Variants in ADAMTS17 observed in about 807,000 individuals in gnomAD.
ADAMTS17 encodes A disintegrin and metalloproteinase with thrombospondin motifs 17.
In ADAMTS17, 113 loss-of-function variants were observed where a neutral mutation model predicts 141.5. The ratio of observed to expected loss-of-function variants is 0.80; its 90% CI spans 0.69 to 0.93. ADAMTS17 has a LOEUF of 0.93. Ranked by LOEUF, ADAMTS17 falls within the 40% of genes least tolerant of loss-of-function variation. ADAMTS17 has a pLI of 0.00. For synonymous variants in ADAMTS17, 768 were observed against 630.6 expected (o/e 1.22, Z -3.27); for missense variants, 1,659 against 1,517.9 (o/e 1.09, Z -1.54).
intron 8 of ADAMTS17, among the ~76,000 whole-genome samples, chr15:100,169,829 G>A (rs1278730198): frequency 1.3e-5 from 2 of 152,234 alleles, no homozygotes; most frequent in Non-Finnish European, 2.9e-5. Flanking sequence ...GCGTGGATGT[G>A]GCTTTGGGGA....
chr15:99,972,110 G>C lies in ADAMTS17; in HGVS notation c.*2292C>G, dbSNP rs371938855. On this transcript the variant is annotated 3_prime_UTR_variant, in exon 22 of 22. Transcript: ENST00000268070. ...AGTAAAAATACAAAAAAGTAGGTGG[G>C]CGTGGTGGTGGGCGCCTGTAGTCCC... 1 of 152,334 alleles carries C rather than the reference G, an allele frequency of 6.6e-6. No homozygotes were observed. The allele number at this position is 152,334 out of a possible 1,614,324, so 9.4% of individuals were successfully genotyped here.
In ADAMTS17 at chr15:99,993,827, T is replaced by C. The variant is rs2060740766; in HGVS notation, c.2797-627A>G. On this transcript the variant is annotated intron_variant, in intron 19 of 21. Coordinates refer to ENST00000268070, the MANE Select transcript of ADAMTS17 (RefSeq NM_139057.4). The surrounding 1 kb of genome is among the most constrained non-coding windows in gnomAD (Gnocchi z 4.3). Reference sequence around the variant, plus strand: ...AATGGTGACAGACGCATGGCCCCTGTGGTAGTTTACTTACTTGCAGGAGAC... The same window carrying C: ...AATGGTGACAGACGCATGGCCCCTGCGGTAGTTTACTTACTTGCAGGAGAC... Among the ~76,000 whole-genome samples, 1 of 151,832 alleles carries C rather than the reference T, an allele frequency of 6.6e-6. No individual in the cohort carries two copies. The highest frequency in any genetic ancestry group is 2.1e-4 in the South Asian group (1 of 4,772).
chr15:99,982,134 G>A (rs1051147939), intron 20 of ADAMTS17, among the ~76,000 whole-genome samples: 3 of 152,236 alleles, frequency 2.0e-5, no homozygotes, highest in Admixed American at 6.5e-5. Context: ...AGGCAGTGTG[G>A]AATAGGAGCC....
At chr15:100,039,362 T>G (rs765297366) in intron 18 of ADAMTS17, among the ~76,000 whole-genome samples, 1 of 152,212 alleles carries the variant, frequency 6.6e-6, no homozygotes, top group Non-Finnish European at 1.5e-5. Context: ...TTCTTCTTTT[T>G]CAGTATAAGT....
chr15:100,061,535 A>G (rs2033124742), intron 15 of ADAMTS17, among the ~76,000 whole-genome samples: 1 of 152,214 alleles, frequency 6.6e-6, no homozygotes, highest in Non-Finnish European at 1.5e-5. Flanking sequence ...TGTTGGCCTT[A>G]AAGTGAATGT....
At chr15:100,106,956 C>T (rs769807799) in intron 14 of ADAMTS17, among the ~76,000 whole-genome samples, 10 of 152,200 alleles carry the variant, frequency 6.6e-5, no homozygotes, top group South Asian at 2.1e-4. Flanking sequence ...CCTCCCTCCC[C>T]GTGAGGTTGC....
intron 7 of ADAMTS17, among the ~76,000 whole-genome samples, chr15:100,246,014 G>A (rs1179976758): frequency 6.6e-6 from 1 of 152,090 alleles, no homozygotes; most frequent in East Asian, 1.9e-4. Flanking sequence ...AGAGGTCAAG[G>A]CAGGAATGTT....
chr15:100,329,386 T>C (rs990744214), intron 3 of ADAMTS17, among the ~76,000 whole-genome samples: 16 of 151,842 alleles, frequency 1.1e-4, no homozygotes, highest in African/African-American at 3.6e-4. Context: ...AAAACAAAAA[T>C]TAGCCAGGTG....
At chr15:100,195,703 G>C (rs966901711) in intron 8 of ADAMTS17, among the ~76,000 whole-genome samples, 4 of 150,076 alleles carry the variant, frequency 2.7e-5, no homozygotes, top group African/African-American at 9.8e-5. Flanking sequence ...GAGTGTCCTA[G>C]GGAACCCCTC....
chr15:100,189,977 G>C (rs1261974097), intron 8 of ADAMTS17, among the ~76,000 whole-genome samples: 1 of 152,152 alleles, frequency 6.6e-6, no homozygotes, highest in Non-Finnish European at 1.5e-5. Flanking sequence ...CCCCAGCTCA[G>C]TTCAACGCTG....
chr15:100,266,622 C>A (rs1457045763), intron 4 of ADAMTS17, among the ~76,000 whole-genome samples: 2 of 152,196 alleles, frequency 1.3e-5, no homozygotes, highest in East Asian at 3.9e-4. Flanking sequence ...GCCCCCATCA[C>A]CCTCCCCATC....
chr15:100,105,782 G>A (rs529035314), intron 14 of ADAMTS17, among the ~76,000 whole-genome samples: 2 of 152,192 alleles, frequency 1.3e-5, no homozygotes, highest in South Asian at 2.1e-4. Flanking sequence ...CCACTTCCCA[G>A]GTTCAAGCGA....
chr15:100,271,081 T>C (rs1248356144), intron 4 of ADAMTS17, among the ~76,000 whole-genome samples: 1 of 152,124 alleles, frequency 6.6e-6, no homozygotes, highest in Non-Finnish European at 1.5e-5. Flanking sequence ...AGAATTGTTT[T>C]CCTTTTTAAG....
Position 100,281,240 on chromosome 15 carries a change from C to T in ADAMTS17, c.778G>A (p.Val260Ile), listed in dbSNP as rs547286210. ...AEAAQRFILT[V>I]MNMVYNMFQH... The stretch of plus-strand genomic sequence containing the variant: ...GGCTCCGGACTCACCATGTTCATGA[C>T]GGTCAGGATGAACCTCTGGGCGGCC... The change falls in exon 4 of 22, where the codon GTC (valine) becomes ATC (isoleucine). Residue 260 changes from valine (V) to isoleucine (I), a missense_variant. Transcript: ENST00000268070. 3.7e-5 allele frequency: 60 copies of T among 1,605,438 alleles called. No homozygotes were observed. Among genetic ancestry groups the T allele is most frequent in the African/African-American group, 3.1e-4 (23 of 75,026 alleles).
chr15:100,262,527 G>C, intron 4 of ADAMTS17, 92 bp from the exon 5 acceptor site: 1 of 912,870 alleles, frequency 1.1e-6, no homozygotes, highest in Non-Finnish European at 1.7e-6. Context: ...ACACAGAAAA[G>C]AGATTATGTA....
intron 7 of ADAMTS17, among the ~76,000 whole-genome samples, chr15:100,222,654 G>A (rs905321758): frequency 6.6e-6 from 1 of 152,216 alleles, no homozygotes; most frequent in Non-Finnish European, 1.5e-5. Flanking sequence ...CACCGGAAAA[G>A]TCTGGAAATA....
chr15:100,267,154 C>G (rs1013944373), intron 4 of ADAMTS17, among the ~76,000 whole-genome samples: 1 of 152,066 alleles, frequency 6.6e-6, no homozygotes, highest in Admixed American at 6.5e-5. Context: ...CACTAACTCC[C>G]ACTGCCCCCC....
At chr15:100,319,140 T>C (rs144059953) in intron 3 of ADAMTS17, among the ~76,000 whole-genome samples, 99 of 152,308 alleles carry the variant, frequency 6.5e-4, no homozygotes, top group African/African-American at 2.3e-3. Flanking sequence ...CATAGGGGAC[T>C]CCCAAAGAGG....
chr15:100,341,626 G>T (rs1375139799), intron 1 of ADAMTS17, among the ~76,000 whole-genome samples, 195 bp downstream of exon 1: 1 of 150,396 alleles, frequency 6.6e-6, no homozygotes, highest in Non-Finnish European at 1.5e-5. Context: ...GCGCATCGGC[G>T]AGCGGAGACC....
Sources: gnomAD v4.1 joint callset for allele counts (sites outside exome capture counted in the v4.1 genomes callset) on GRCh38, gnomAD v4.1.1 for gene constraint, Gnocchi (gnomAD v3.1) non-coding constraint, MANE v1.5 for transcripts, NCBI Gene and HGNC (gene_info 2026-07-23, HGNC 2026-07-21) for gene names.